Variants in AOAH observed in about 807,000 individuals in gnomAD.
AOAH encodes acyloxyacyl hydrolase.
Under a neutral mutation model 92.2 loss-of-function variants are expected in AOAH, and 64 were observed. That is an observed-to-expected ratio of 0.69 (90% CI 0.57 to 0.86). AOAH has a LOEUF of 0.86. AOAH is among the 40% of genes least tolerant of loss of function. The pLI is 0.00. For synonymous variants in AOAH, 263 were observed against 254.5 expected (o/e 1.03, Z -0.32); for missense variants, 656 against 694.6 (o/e 0.94, Z 0.62).
chr7:36,620,336 C>T (rs2727819), intron 9 of AOAH, among the ~76,000 whole-genome samples: 102,757 of 151,812 alleles, frequency 0.68, 35,016 homozygotes, highest in African/African-American at 0.76. Flanking sequence ...CAGCATTAAA[C>T]GCCTCAAGGT....
intron 4 of AOAH, among the ~76,000 whole-genome samples, chr7:36,638,849 T>C (rs1793698666): frequency 6.6e-6 from 1 of 152,214 alleles, no homozygotes; most frequent in Non-Finnish European, 1.5e-5. Context: ...CTACGGTGTA[T>C]GTTTCTTAAA....
At chr7:36,513,502 C>T in intron 20 of AOAH, 122 bp from the exon 21 acceptor site, 2 of 924,688 alleles carry the variant, frequency 2.2e-6, no homozygotes, top group Non-Finnish European at 3.3e-6. Flanking sequence ...CTCCCACCCC[C>T]ATGTCTCTGT....
At position 36,680,694 on chromosome 7, in the gene AOAH, T is replaced by C. The variant is rs923329854; in HGVS notation, c.223+6005A>G. Reference sequence around the variant, plus strand: ...AATGGAAGCAATACTGCCCATGGTGTCCTTTAACCTGAACTGAGTGTTCTA... The same window carrying C: ...AATGGAAGCAATACTGCCCATGGTGCCCTTTAACCTGAACTGAGTGTTCTA... On this transcript the variant is annotated intron_variant, in intron 2 of 20. Transcript: ENST00000617537. Among the ~76,000 whole-genome samples the C allele has an allele frequency of 5.3e-5, 8 of 152,342 alleles. No individual in the cohort carries two copies. In the South Asian group the frequency reaches 1.2e-3, roughly 24 times the overall value.
At chr7:36,653,969 T>C (rs11763088) in intron 4 of AOAH, among the ~76,000 whole-genome samples, 70,802 of 151,930 alleles carry the variant, frequency 0.47, 17,430 homozygotes, top group South Asian at 0.59. Flanking sequence ...ATCCAAAAAA[T>C]AGAGCTTTAA....
chr7:36,609,611 G>A (rs1172095971), intron 11 of AOAH, among the ~76,000 whole-genome samples: 5 of 151,936 alleles, frequency 3.3e-5, no homozygotes, highest in Non-Finnish European at 7.4e-5. Flanking sequence ...ACTGGGACCT[G>A]ACTACCTCCA....
chr7:36,628,008 G>C (rs113714843), intron 6 of AOAH, among the ~76,000 whole-genome samples: 1 of 152,112 alleles, frequency 6.6e-6, no homozygotes, highest in Non-Finnish European at 1.5e-5. Context: ...GGCCGGGCGT[G>C]GGTTGGTTGC....
At chr7:36,513,731 C>T (rs761248165) in intron 20 of AOAH, among the ~76,000 whole-genome samples, 27 of 152,188 alleles carry the variant, frequency 1.8e-4, no homozygotes, top group African/African-American at 3.9e-4. Flanking sequence ...GCAGTCTCAA[C>T]GGGAATGAAT....
chr7:36,621,586 A>G lies in AOAH; in HGVS notation c.653+124T>C, dbSNP rs934993001. 10 of 942,262 alleles carry G rather than the reference A, an allele frequency of 1.1e-5. No individual in the cohort carries two copies. The African/African-American group carries it at 1.5e-4, about 14-fold the overall frequency. The allele number at this position is 942,262 out of a possible 1,614,324, so 58.4% of individuals were successfully genotyped here. ...TCTTTTTTCACTGAGCTTTACTTCAATCGGAACATGAAAATCTCTTCTCTC... is the reference window on the plus strand; with the variant it reads ...TCTTTTTTCACTGAGCTTTACTTCAGTCGGAACATGAAAATCTCTTCTCTC... On this transcript the variant is annotated intron_variant, in intron 8 of 20. Transcript: ENST00000617537.
rs187783776 is a variant in AOAH at position 36,709,643 on chromosome 7, A to G, written c.127+14379T>C. The stretch of plus-strand genomic sequence containing the variant: ...CCAAAGGGCAAGTTAGCCTTCTCTA[A>G]TTACATCTGCATTTTGTTAAATTGC... On this transcript the variant is annotated intron_variant, in intron 1 of 20. Transcript: ENST00000617537. 3.4e-3 allele frequency among the ~76,000 whole-genome samples: 510 copies of G among 152,142 alleles called. 3 individuals carry two copies. Among genetic ancestry groups the G allele is most frequent in the Middle Eastern group, 0.01 (3 of 292 alleles).
chr7:36,553,521 C>T (rs1171779471), intron 13 of AOAH, among the ~76,000 whole-genome samples: 2 of 151,874 alleles, frequency 1.3e-5, no homozygotes, highest in Non-Finnish European at 2.9e-5. Context: ...ATGGCTGGGT[C>T]AAATGGTATT....
At chr7:36,607,832 T>C (rs1040800200) in intron 11 of AOAH, among the ~76,000 whole-genome samples, 3 of 152,162 alleles carry the variant, frequency 2.0e-5, no homozygotes, top group Non-Finnish European at 4.4e-5. Flanking sequence ...TCGGGTGTGA[T>C]TGCCTCTAGC....
chr7:36,696,474 G>A (rs1007960679), intron 1 of AOAH, among the ~76,000 whole-genome samples: 2 of 152,042 alleles, frequency 1.3e-5, no homozygotes, highest in Admixed American at 6.5e-5. Flanking sequence ...GAGTAATAGC[G>A]TTTCTGCTGT....
At chr7:36,602,903 T>G (rs1030254719) in intron 11 of AOAH, among the ~76,000 whole-genome samples, 6 of 152,174 alleles carry the variant, frequency 3.9e-5, no homozygotes, top group Non-Finnish European at 7.4e-5. Flanking sequence ...GATCTCATTT[T>G]CTTTCTCTCC....
chr7:36,723,348 C>CA (rs200645841), intron 1 of AOAH, among the ~76,000 whole-genome samples: 1,551 of 151,736 alleles, frequency 0.01, 15 homozygotes, highest in Non-Finnish European at 0.016. Context: ...AAAAAACAAA[C>CA]AAAAAAAACC....
In AOAH at chr7:36,546,812, A is replaced by G. The variant is rs149351300; in HGVS notation, c.1133+1800T>C. Among the ~76,000 whole-genome samples the G allele has an allele frequency of 8.7e-3, 1,325 of 152,272 alleles. 19 individuals are homozygous for G. Among genetic ancestry groups the G allele is most frequent in the African/African-American group, 0.03 (1,252 of 41,560 alleles). ...CGTGATGGCAGCTAGAGCCTGAAGC[A>G]TGGTGTTTCCTCTTCCATTAGCTCC... is the stretch of plus-strand genomic sequence containing the variant. On this transcript the variant is annotated intron_variant, in intron 15 of 20. Transcript: ENST00000617537.
At chr7:36,514,788 C>T (rs1336746607) in intron 20 of AOAH, 2 of 535,130 alleles carry the variant, frequency 3.7e-6, no homozygotes, top group African/African-American at 3.8e-5. Flanking sequence ...TCACAGTCCC[C>T]TTCCTAATAG....
chr7:36,632,231 C>G lies in AOAH; in HGVS notation c.451-125G>C, dbSNP rs906676306. 8 of 764,334 alleles carry G rather than the reference C, an allele frequency of 1.0e-5. No homozygotes were observed. The African/African-American group carries it at 1.4e-4, about 14-fold the overall frequency. The allele number at this position is 764,334 out of a possible 1,614,324, so 47.3% of individuals were successfully genotyped here. The stretch of plus-strand genomic sequence containing the variant: ...TTCCTCTAGAATCCAGCCCATTTCA[C>G]CTCTCTAAATTTACCTCTTGTTCCT... On this transcript the variant is annotated intron_variant, in intron 5 of 20. Coordinates refer to ENST00000617537, the MANE Select transcript of AOAH (RefSeq NM_001637.4).
intron 20 of AOAH, 46 bp from the exon 21 acceptor site, chr7:36,513,426 A>G (rs371363792): frequency 6.3e-7 from 1 of 1,586,054 alleles, no homozygotes; most frequent in African/African-American, 1.3e-5. Context: ...AATTAGGACA[A>G]ATCACTTACC....
chr7:36,554,659 T>C (rs1261602775), intron 13 of AOAH, among the ~76,000 whole-genome samples: 1 of 151,656 alleles, frequency 6.6e-6, no homozygotes, highest in Non-Finnish European at 1.5e-5. Flanking sequence ...TTTTATTTCA[T>C]TGAGCAGTGG....
Sources: allele counts gnomAD v4.1 joint callset (sites outside exome capture counted in the v4.1 genomes callset), GRCh38; gene constraint gnomAD v4.1.1; transcripts MANE v1.5; gene names NCBI Gene and HGNC (gene_info 2026-07-23, HGNC 2026-07-21).